The following RALGAPA1 variants were observed in gnomAD, a reference collection of about 807,000 sequenced individuals.
The protein encoded by RALGAPA1 is ral GTPase-activating protein subunit alpha-1.
RALGAPA1 carries 52 observed loss-of-function variants against 269.6 expected under a neutral mutation model. The observed-to-expected ratio is 0.19, with a 90% CI of 0.15 to 0.24. The LOEUF is 0.24. Ranked by LOEUF, RALGAPA1 falls within the 10% of genes least tolerant of loss-of-function variation. The pLI is 1.00. For synonymous variants in RALGAPA1, 817 were observed against 1,008.3 expected (o/e 0.81, Z 3.60); for missense variants, 1,917 against 3,013.9 (o/e 0.64, Z 8.52).
At chr14:35,749,916 T>C (rs983165487) in intron 9 of RALGAPA1, among the ~76,000 whole-genome samples, 2 of 152,014 alleles carry the variant, frequency 1.3e-5, no homozygotes, top group Non-Finnish European at 2.9e-5. Flanking sequence ...TACTGTAATA[T>C]AGACATGTTT....
intron 10 of RALGAPA1, among the ~76,000 whole-genome samples, chr14:35,745,548 G>A (rs1003277918): frequency 6.7e-5 from 10 of 150,212 alleles, no homozygotes; most frequent in Non-Finnish European, 8.9e-5. Flanking sequence ...GGCAGATCAC[G>A]AGGTCAGGAG....
At chr14:35,780,148 T>G (rs1030576883) in intron 1 of RALGAPA1, among the ~76,000 whole-genome samples, 1 of 151,930 alleles carries the variant, frequency 6.6e-6, no homozygotes, top group African/African-American at 2.4e-5. Flanking sequence ...CATTTTATAA[T>G]AGTTAAAGGG....
intron 19 of RALGAPA1, among the ~76,000 whole-genome samples, chr14:35,685,401 A>T (rs1188560924): frequency 1.3e-5 from 2 of 152,156 alleles, no homozygotes; most frequent in Admixed American, 1.3e-4. Context: ...CCATGCAGTG[A>T]ATATAAATTA....
At chr14:35,561,392 T>C (rs1055532068) in intron 39 of RALGAPA1, among the ~76,000 whole-genome samples, 13 of 151,762 alleles carry the variant, frequency 8.6e-5, no homozygotes, top group Non-Finnish European at 1.8e-4. Flanking sequence ...AAATAATTAC[T>C]CTGTATACAC....
At chr14:35,678,123 A>G (rs375785643) in intron 21 of RALGAPA1, 21 bp from the exon 22 acceptor site, 9 of 1,593,718 alleles carry the variant, frequency 5.6e-6, no homozygotes, top group Non-Finnish European at 7.7e-6. Flanking sequence ...AATTTCATAA[A>G]ATTACCATAA....
intron 16 of RALGAPA1, among the ~76,000 whole-genome samples, chr14:35,700,505 A>AT (rs1042764082): frequency 6.6e-6 from 1 of 152,142 alleles, no homozygotes; most frequent in African/African-American, 2.4e-5. Context: ...TTTGAATATA[A>AT]TTTTTTTATA....
chr14:35,692,184 A>C (rs1417493123), intron 17 of RALGAPA1, among the ~76,000 whole-genome samples: 2 of 152,100 alleles, frequency 1.3e-5, no homozygotes, highest in African/African-American at 2.4e-5. Context: ...GCAAAGGATA[A>C]AGACTGTATA....
Position 35,674,194 on chromosome 14 carries a change from G to C in RALGAPA1, c.4903C>G (p.Pro1635Ala). The C allele has an allele frequency of 6.2e-7, 1 of 1,609,488 alleles. No homozygotes were observed. Among genetic ancestry groups the C allele is most frequent in the Non-Finnish European group, 8.5e-7 (1 of 1,177,394 alleles). The part of the protein sequence containing the change: ...VLIPPLRILT[P>A]WLFKATMLTD... ...ATTAAGCTTACCTTAAAAAGCCAAGGTGTAAGAATTCTCAGTGGAGGAATT... is the reference window on the plus strand; with the variant it reads ...ATTAAGCTTACCTTAAAAAGCCAAGCTGTAAGAATTCTCAGTGGAGGAATT... Residue 1635 changes from proline (P) to alanine (A), a missense_variant, in exon 24 of 42, where the codon CCT becomes GCT. Physicochemically the swap from Pro to Ala is conservative, Grantham distance 27. Around this residue, in one of 11 missense-constraint regions of RALGAPA1, gnomAD observed 73 missense variants for 190.6 expected, o/e 0.38. Transcript: ENST00000680220.
At chr14:35,715,755 T>C in intron 16 of RALGAPA1, 2 of 985,296 alleles carry the variant, frequency 2.0e-6, no homozygotes, top group Non-Finnish European at 2.4e-6. Flanking sequence ...AACATGGAAG[T>C]CTTCAATTCA....
Position 35,809,068 on chromosome 14 carries a change from A to G in RALGAPA1, c.-233T>C. 1.6e-6 allele frequency: 1 copy of G among 626,604 alleles called. No homozygotes were observed. The allele number at this position is 626,604 out of a possible 1,614,324, so 38.8% of individuals were successfully genotyped here. Reference sequence around the variant, plus strand: ...TTCGGCCCCAGCTCCAATATGGCGGATCCCTCTCCCGGCCCTGCACGGAGC... The same window carrying G: ...TTCGGCCCCAGCTCCAATATGGCGGGTCCCTCTCCCGGCCCTGCACGGAGC... On this transcript the variant is annotated 5_prime_UTR_variant, in exon 1 of 42. Transcript: ENST00000680220.
intron 28 of RALGAPA1, among the ~76,000 whole-genome samples, chr14:35,658,687 T>A (rs1366458547): frequency 1.3e-5 from 2 of 151,662 alleles, no homozygotes; most frequent in Non-Finnish European, 2.9e-5. Flanking sequence ...ATTCTATTTT[T>A]AAAAATCTTG....
intron 10 of RALGAPA1, among the ~76,000 whole-genome samples, chr14:35,744,718 T>C (rs139004682): frequency 3.9e-5 from 6 of 152,242 alleles, no homozygotes; most frequent in East Asian, 1.9e-4. Flanking sequence ...ATCACTCTCA[T>C]ATTCTAGCAG....
intron 16 of RALGAPA1, chr14:35,716,110 A>G: frequency 1.0e-6 from 1 of 983,994 alleles, no homozygotes; most frequent in South Asian, 4.7e-5. Flanking sequence ...AAATTAAAAG[A>G]TGGTGAGGCA....
At chr14:35,786,106 G>A (rs1316911962) in intron 1 of RALGAPA1, among the ~76,000 whole-genome samples, 3 of 152,006 alleles carry the variant, frequency 2.0e-5, no homozygotes, top group East Asian at 3.9e-4. Flanking sequence ...GCAGTGAGCC[G>A]AGATTGTGCC....
chr14:35,679,741 A>T (rs1344752324), intron 21 of RALGAPA1, among the ~76,000 whole-genome samples: 2 of 152,204 alleles, frequency 1.3e-5, no homozygotes, highest in Non-Finnish European at 2.9e-5. Flanking sequence ...GCAATTCCAC[A>T]TATCATACAG....
At chr14:35,645,404 T>A (rs1372368206) in intron 31 of RALGAPA1, among the ~76,000 whole-genome samples, 2 of 149,824 alleles carry the variant, frequency 1.3e-5, no homozygotes, top group Non-Finnish European at 3.0e-5. Flanking sequence ...TGTTATGTAT[T>A]TCCTAGCTGT....
chr14:35,758,001 C>T (rs1010134864), intron 6 of RALGAPA1, among the ~76,000 whole-genome samples: 2 of 152,026 alleles, frequency 1.3e-5, no homozygotes, highest in Admixed American at 1.3e-4. Flanking sequence ...ATAATCCCAA[C>T]ACTTTGGGAG....
chr14:35,631,239 C>T (rs1174636513), intron 33 of RALGAPA1, among the ~76,000 whole-genome samples: 1 of 152,100 alleles, frequency 6.6e-6, no homozygotes, highest in East Asian at 1.9e-4. Flanking sequence ...CTTTTGCTTC[C>T]CAGCTCAGTG....
chr14:35,566,047 T>C (rs2056671276), intron 39 of RALGAPA1, among the ~76,000 whole-genome samples: 1 of 152,124 alleles, frequency 6.6e-6, no homozygotes, highest in Non-Finnish European at 1.5e-5. Context: ...ACACAGAATC[T>C]GCTTGGTTTT....
Sources: gnomAD v4.1 joint callset for allele counts (sites outside exome capture counted in the v4.1 genomes callset) on GRCh38, gnomAD v4.1.1 for gene constraint, gnomAD v4.1.1 regional missense constraint, MANE v1.5 for transcripts, NCBI Gene and HGNC (gene_info 2026-07-23, HGNC 2026-07-21) for gene names.